ANKRD17: variants seen among roughly 807,000 people sequenced by gnomAD.
ANKRD17 encodes ankyrin repeat domain-containing protein 17.
Under a neutral mutation model 229.7 loss-of-function variants are expected in ANKRD17, and 19 were observed. The ratio of observed to expected loss-of-function variants is 0.08; its 90% CI spans 0.06 to 0.12. The LOEUF is 0.12. ANKRD17 is among the 10% of genes least tolerant of loss of function. ANKRD17 has a pLI of 1.00. For synonymous variants in ANKRD17, 1,112 were observed against 1,146.1 expected (o/e 0.97, Z 0.60); for missense variants, 2,176 against 3,176.8 (o/e 0.68, Z 7.57).
chr4:73,139,058 T>A (rs149840672), intron 15 of ANKRD17, among the ~76,000 whole-genome samples: 12 of 146,024 alleles, frequency 8.2e-5, no homozygotes, highest in Admixed American at 1.4e-4. Flanking sequence ...TTTTTTTTTT[T>A]AAATATCCAT....
At position 73,258,796 on chromosome 4, in the gene ANKRD17, A is replaced by ACTG. The variant is rs1745735417; in HGVS notation, c.-129_-128insCAG. The stretch of plus-strand genomic sequence containing the variant: ...CGCCGCCACCGCCTCGGTCACCTCT[A>ACTG]CTGCCGCCGCCGCCGCCGCCGCTCC... On this transcript the variant is annotated 5_prime_UTR_variant, in exon 1 of 34. Coordinates refer to ENST00000358602, the MANE Select transcript of ANKRD17 (RefSeq NM_032217.5). 1.9e-6 allele frequency: 2 copies of ACTG among 1,078,850 alleles called. No homozygotes were observed. The highest frequency in any genetic ancestry group is 1.8e-4 in the East Asian group (2 of 11,156). 66.8% of individuals were successfully genotyped at this position (1,078,850 alleles called of 1,614,324 possible). A position where few individuals can be genotyped will look rare whatever the true frequency, so the allele number is the denominator to read the frequency against.
chr4:73,222,397 A>C (rs1741975673), intron 1 of ANKRD17, among the ~76,000 whole-genome samples: 4 of 152,188 alleles, frequency 2.6e-5, no homozygotes, highest in Admixed American at 2.6e-4. Context: ...ATGTCTCTCT[A>C]GCATCAGTGC....
At chr4:73,160,608 A>G (rs1213097308) in intron 3 of ANKRD17, among the ~76,000 whole-genome samples, 2 of 152,178 alleles carry the variant, frequency 1.3e-5, no homozygotes, top group African/African-American at 4.8e-5. Context: ...TTAAAATGCC[A>G]TGTCACAAAA....
rs1171362190 is a variant in ANKRD17 at position 73,098,653 on chromosome 4, T to C, written c.4574-133A>G. 9 of 905,494 alleles carry C rather than the reference T, an allele frequency of 9.9e-6. No homozygotes were observed. In the African/African-American group the frequency reaches 1.3e-4, roughly 14 times the overall value. The allele number at this position is 905,494 out of a possible 1,614,324, so 56.1% of individuals were successfully genotyped here. A position where few individuals can be genotyped will look rare whatever the true frequency, so the allele number is the denominator to read the frequency against. ...TTAGCCATGTAAGTTATTCTCACATTCATCGGTAATGAGCTGGATAGGACT... is the reference window on the plus strand; with the variant it reads ...TTAGCCATGTAAGTTATTCTCACATCCATCGGTAATGAGCTGGATAGGACT... On this transcript the variant is annotated intron_variant, in intron 25 of 33. Transcript: ENST00000358602.
At chr4:73,206,735 G>A (rs956194417) in intron 1 of ANKRD17, among the ~76,000 whole-genome samples, 1 of 150,864 alleles carries the variant, frequency 6.6e-6, no homozygotes, top group Non-Finnish European at 1.5e-5. Context: ...TTTCAGTTAA[G>A]AAGAAGAAGA....
At chr4:73,172,307 T>G (rs1008997034) in intron 2 of ANKRD17, among the ~76,000 whole-genome samples, 1 of 152,178 alleles carries the variant, frequency 6.6e-6, no homozygotes, top group African/African-American at 2.4e-5. Context: ...TATCCTATAA[T>G]AGTACATCTG....
chr4:73,168,701 C>A (rs1381932542), intron 2 of ANKRD17, among the ~76,000 whole-genome samples: 1 of 152,220 alleles, frequency 6.6e-6, no homozygotes, highest in Admixed American at 6.5e-5. Context: ...CGTTAGCCAG[C>A]CCCTGGCCAC....
chr4:73,091,707 C>G lies in ANKRD17; in HGVS notation c.5921G>C (p.Ser1974Thr). 1.2e-6 allele frequency: 2 copies of G among 1,614,172 alleles called. No homozygotes were observed. The change falls in exon 29 of 34, where the codon AGT (serine) becomes ACT (threonine). Residue 1974 changes from serine to threonine, a missense_variant. Around this residue, in one of 18 missense-constraint regions of ANKRD17, gnomAD observed 424 missense variants for 454.0 expected, o/e 0.93. Transcript: ENST00000358602. The stretch of plus-strand genomic sequence containing the variant: ...ACCAGGCACCGTTGAAGCTGATGAA[C>G]TGGTTGTAGTTGTTGGGCTTGAAGT... ...SLTSSPTTTTSSSASTVPGTS... is the reference protein window; with the variant it reads ...SLTSSPTTTTTSSASTVPGTS...
intron 21 of ANKRD17, among the ~76,000 whole-genome samples, chr4:73,119,424 G>A (rs2148689121): frequency 6.6e-6 from 1 of 152,228 alleles, no homozygotes; most frequent in East Asian, 1.9e-4. Flanking sequence ...AGTCTGAAAT[G>A]CTCCAAAGAG....
At chr4:73,247,515 C>T (rs1452477922) in intron 1 of ANKRD17, among the ~76,000 whole-genome samples, 1 of 151,864 alleles carries the variant, frequency 6.6e-6, no homozygotes, top group Admixed American at 6.6e-5. Context: ...ATGGAACATT[C>T]ATAAGTAAAT....
intron 1 of ANKRD17, among the ~76,000 whole-genome samples, chr4:73,255,188 C>G (rs988905933): frequency 3.9e-5 from 6 of 152,178 alleles, no homozygotes; most frequent in African/African-American, 1.4e-4. Context: ...TCTCAATAAC[C>G]TACTCCAATG....
chr4:73,170,817 T>C (rs953794981), intron 2 of ANKRD17, among the ~76,000 whole-genome samples: 2 of 152,160 alleles, frequency 1.3e-5, no homozygotes, highest in Non-Finnish European at 2.9e-5. Flanking sequence ...TGGGAAGGAC[T>C]GTATATCGTG....
chr4:73,155,805 G>T, intron 4 of ANKRD17, 27 bp from the exon 5 acceptor site: 1 of 1,607,042 alleles, frequency 6.2e-7, no homozygotes, highest in Admixed American at 1.7e-5. Flanking sequence ...AGTTTAAAAA[G>T]ATATTAGGAA....
At chr4:73,233,648 TG>T in intron 1 of ANKRD17, among the ~76,000 whole-genome samples, 1 of 152,144 alleles carries the variant, frequency 6.6e-6, no homozygotes, top group East Asian at 1.9e-4. Context: ...TCCTCTACCT[TG>T]GGATTATTTT....
intron 3 of ANKRD17, among the ~76,000 whole-genome samples, chr4:73,156,521 G>C (rs1731682338): frequency 6.6e-6 from 1 of 152,146 alleles, no homozygotes; most frequent in African/African-American, 2.4e-5. Context: ...GGACCTGGTG[G>C]GAGATGATTA....
At chr4:73,077,915 A>C (rs1721157470) in intron 31 of ANKRD17, among the ~76,000 whole-genome samples, 1 of 152,264 alleles carries the variant, frequency 6.6e-6, no homozygotes, top group African/African-American at 2.4e-5. Context: ...AAGTGATTAA[A>C]TATTCACATA....
At chr4:73,077,148 C>T (rs766556085) in intron 32 of ANKRD17, 44 bp from the exon 33 acceptor site, 6 of 1,507,536 alleles carry the variant, frequency 4.0e-6, no homozygotes, top group South Asian at 1.4e-5. Flanking sequence ...AGTCATTGTT[C>T]ATTTTTCCCA....
At chr4:73,086,400 G>A (rs1451176051) in intron 29 of ANKRD17, among the ~76,000 whole-genome samples, 1 of 151,532 alleles carries the variant, frequency 6.6e-6, no homozygotes, top group African/African-American at 2.4e-5. Flanking sequence ...TTATTTTTAG[G>A]GATAAAGATA....
chr4:73,228,961 G>T (rs1042681691), intron 1 of ANKRD17, among the ~76,000 whole-genome samples: 1 of 152,158 alleles, frequency 6.6e-6, no homozygotes, highest in African/African-American at 2.4e-5. Flanking sequence ...CCATAAAAAA[G>T]GATGAGTTCA....
Sources: allele counts gnomAD v4.1 joint callset (sites outside exome capture counted in the v4.1 genomes callset), GRCh38; gene constraint gnomAD v4.1.1; regional missense constraint gnomAD v4.1.1; transcripts MANE v1.5; gene names NCBI Gene and HGNC (gene_info 2026-07-23, HGNC 2026-07-21).